PSMD4: variants seen among roughly 807,000 people sequenced by gnomAD.
PSMD4 encodes proteasome 26S subunit ubiquitin receptor, non-ATPase 4.
In PSMD4, 5 loss-of-function variants were observed where a neutral mutation model predicts 39.7. The observed-to-expected ratio is 0.13, with a 90% CI of 0.07 to 0.26. The LOEUF (loss-of-function observed/expected upper bound fraction) is 0.26. Ranked by LOEUF, PSMD4 falls within the 10% of genes least tolerant of loss-of-function variation. The pLI is 1.00. For synonymous variants in PSMD4, 143 were observed against 174.6 expected (o/e 0.82, Z 1.43); for missense variants, 272 against 486.1 (o/e 0.56, Z 4.14).
intron 1 of PSMD4, among the ~76,000 whole-genome samples, chr1:151,258,029 G>C (rs955452400): frequency 2.6e-5 from 4 of 151,468 alleles, no homozygotes; most frequent in Non-Finnish European, 4.4e-5. Context: ...TTGTCTATTT[G>C]TTTGTTTTTT....
intron 2 of PSMD4, chr1:151,262,980 A>G (rs1395024826): frequency 6.6e-6 from 1 of 152,278 alleles, no homozygotes; most frequent in African/African-American, 2.4e-5. Flanking sequence ...TAGCTAGGAG[A>G]ATGGGTCTGG....
chr1:151,257,263 AT>A (rs2101834488), intron 1 of PSMD4, among the ~76,000 whole-genome samples: 1 of 152,080 alleles, frequency 6.6e-6, no homozygotes, highest in East Asian at 1.9e-4. Flanking sequence ...GTGCGGCTTT[AT>A]TTCTAGACTC....
intron 7 of PSMD4, 60 bp from the exon 8 acceptor site, chr1:151,266,248 G>A: frequency 5.0e-6 from 8 of 1,610,660 alleles, no homozygotes; most frequent in Non-Finnish European, 6.8e-6. Flanking sequence ...AATGGCCTTG[G>A]AGGCTGGCCT....
At chr1:151,259,065 T>C (rs766718691) in intron 1 of PSMD4, 1 of 152,088 alleles carries the variant, frequency 6.6e-6, no homozygotes, top group Non-Finnish European at 1.5e-5. Flanking sequence ...AATACAAAAA[T>C]TAGCTGGCAT....
chr1:151,256,977 A>G (rs1227443165), intron 1 of PSMD4, among the ~76,000 whole-genome samples: 4 of 141,776 alleles, frequency 2.8e-5, no homozygotes, highest in Non-Finnish European at 6.1e-5. Flanking sequence ...TCGAACTCCC[A>G]CCCTCAGGTG....
Position 151,263,980 on chromosome 1 carries a change from C to T in PSMD4, c.234C>T (p.Val78=), listed in dbSNP as rs760489867. 1.2e-6 allele frequency: 2 copies of T among 1,605,442 alleles called. No homozygotes were observed. The highest frequency in any genetic ancestry group is 1.7e-6 in the Non-Finnish European group (2 of 1,175,974). Residue 78 remains valine, a synonymous_variant, in exon 3 of 10, where the codon GTC becomes GTT. Coordinates refer to ENST00000368884, the MANE Select transcript of PSMD4 (RefSeq NM_002810.4). ...GTATCCTGTCCAAGCTACATACTGT[C>T]CAACCCAAGGGCAAGATCACCTTCT... The part of the protein sequence containing the change: ...TGRILSKLHT[V]QPKGKITFCT...
At chr1:151,259,623 T>C (rs964650046) in intron 1 of PSMD4, among the ~76,000 whole-genome samples, 3 of 150,414 alleles carry the variant, frequency 2.0e-5, no homozygotes, top group Admixed American at 2.0e-4. Context: ...GTGCCGTGGC[T>C]CACACCTGTA....
intron 1 of PSMD4, among the ~76,000 whole-genome samples, chr1:151,257,933 T>C (rs1001416844): frequency 6.6e-6 from 1 of 151,976 alleles, no homozygotes; most frequent in Non-Finnish European, 1.5e-5. Flanking sequence ...CTTGTTTATA[T>C]CTTCTTTGAT....
intron 2 of PSMD4, 55 bp from the exon 3 acceptor site, chr1:151,263,859 T>A (rs1183325124): frequency 1.1e-5 from 14 of 1,223,902 alleles, no homozygotes; most frequent in Non-Finnish European, 1.4e-5. Flanking sequence ...TTAGACACAG[T>A]TTAGAGGTAC....
In PSMD4 at chr1:151,266,549, G is replaced by A; in HGVS notation, c.925G>A (p.Asp309Asn). 6.2e-7 allele frequency: 1 copy of A among 1,614,176 alleles called. No homozygotes were observed. The highest frequency in any genetic ancestry group is 8.5e-7 in the Non-Finnish European group (1 of 1,180,036). Reference protein sequence around the residue: ...EFGQAESADIDASSAMDTSEP... With the variant: ...EFGQAESADINASSAMDTSEP... Reference sequence around the variant, plus strand: ...TGGCCAGGCGGAATCAGCAGACATTGATGCCAGCTCAGCTATGGACACATC... The same window carrying A: ...TGGCCAGGCGGAATCAGCAGACATTAATGCCAGCTCAGCTATGGACACATC... Residue 309 changes from aspartate to asparagine, a missense_variant, in exon 9 of 10, where the codon GAT (aspartate) becomes AAT (asparagine). Transcript: ENST00000368884.
chr1:151,263,916 A>C lies in PSMD4; in HGVS notation c.170A>C (p.Asp57Ala). The C allele has an allele frequency of 6.4e-7, 1 of 1,573,968 alleles. No homozygotes were observed. Among genetic ancestry groups the C allele is most frequent in the Non-Finnish European group, 8.6e-7 (1 of 1,157,984 alleles). ...GAAATGCTTTTCCTACATCCCAGTGACTGTGAAGTGCTGACCACACTCACC... is the reference window on the plus strand; with the variant it reads ...GAAATGCTTTTCCTACATCCCAGTGCCTGTGAAGTGCTGACCACACTCACC... ...NNVGLITLANDCEVLTTLTPD... is the reference protein window; with the variant it reads ...NNVGLITLANACEVLTTLTPD... The change falls in exon 3 of 10, where the codon GAC becomes GCC. Residue 57 changes from aspartate (D) to alanine (A), a missense_variant and splice_region_variant. Around this residue, in one of 3 missense-constraint regions of PSMD4, gnomAD observed 153 missense variants for 257.6 expected, o/e 0.59. Transcript: ENST00000368884.
chr1:151,257,540 T>TTTAATTAA (rs763768614), intron 1 of PSMD4, among the ~76,000 whole-genome samples: 3 of 151,992 alleles, frequency 2.0e-5, no homozygotes, highest in Admixed American at 6.6e-5. Context: ...AATGGCCAAT[T>TTTAATTAA]TTAATTAATT....
intron 9 of PSMD4, 25 bp from the exon 10 acceptor site, chr1:151,267,148 T>G (rs772896998): frequency 3.1e-6 from 5 of 1,613,724 alleles, no homozygotes; most frequent in Non-Finnish European, 2.5e-6. Context: ...ATACCCTCCC[T>G]TGAGCTCACA....
chr1:151,254,825 G>A lies in PSMD4; in HGVS notation c.26+17G>A. 6.6e-7 allele frequency: 1 copy of A among 1,506,522 alleles called. No homozygotes were observed. Among genetic ancestry groups the A allele is most frequent in the Non-Finnish European group, 8.8e-7 (1 of 1,134,436 alleles). The allele number at this position is 1,506,522 out of a possible 1,614,324, so 93.3% of individuals were successfully genotyped here. A position where few individuals can be genotyped will look rare whatever the true frequency, so the allele number is the denominator to read the frequency against. ...TATGGTGTGGTGAGGAGCTACTTCGGGGCAGGAGGGGCAGAGCTGGGTTCC... is the reference window on the plus strand; with the variant it reads ...TATGGTGTGGTGAGGAGCTACTTCGAGGCAGGAGGGGCAGAGCTGGGTTCC... On this transcript the variant is annotated intron_variant, in intron 1 of 9. Transcript: ENST00000368884.
intron 1 of PSMD4, among the ~76,000 whole-genome samples, chr1:151,259,950 G>A (rs1693277150): frequency 6.6e-6 from 1 of 152,082 alleles, no homozygotes; most frequent in South Asian, 2.1e-4. Context: ...TGTAATCCCA[G>A]CACTTTGGTA....
chr1:151,265,540 C>T lies in PSMD4; in HGVS notation c.585C>T (p.Ala195=). 6.2e-7 allele frequency: 1 copy of T among 1,614,186 alleles called. No individual in the cohort carries two copies. Among genetic ancestry groups the T allele is most frequent in the Non-Finnish European group, 8.5e-7 (1 of 1,180,042 alleles). ...SSPILAGEGG[A]MLGLGASDFE... ...CGATTTTGGCTGGTGAAGGTGGTGC[C>T]ATGCTGGGTCTTGGTGCCAGTGACT... The change falls in exon 6 of 10, where the codon GCC becomes GCT. Residue 195 remains alanine (A), a synonymous_variant. Coordinates refer to ENST00000368884, the MANE Select transcript of PSMD4 (RefSeq NM_002810.4).
At chr1:151,261,056 A>G (rs187955669) in intron 1 of PSMD4, among the ~76,000 whole-genome samples, 30 of 151,798 alleles carry the variant, frequency 2.0e-4, no homozygotes, top group African/African-American at 7.0e-4. Flanking sequence ...ATGTTAGCCA[A>G]CACTGGTCTC....
intron 6 of PSMD4, 48 bp from the exon 7 acceptor site, chr1:151,265,956 G>C: frequency 6.6e-7 from 1 of 1,523,466 alleles, no homozygotes; most frequent in South Asian, 1.3e-5. Context: ...CCAGCTCCCT[G>C]TAGGAGTGAG....
At chr1:151,264,977 C>G in intron 4 of PSMD4, 59 bp downstream of exon 4, 4 of 1,476,030 alleles carry the variant, frequency 2.7e-6, no homozygotes, top group Non-Finnish European at 3.8e-6. Flanking sequence ...TGAGGTCTTC[C>G]AGCCCTCAGG....
Sources: allele counts gnomAD v4.1 joint callset (sites outside exome capture counted in the v4.1 genomes callset), GRCh38; gene constraint gnomAD v4.1.1; regional missense constraint gnomAD v4.1.1; transcripts MANE v1.5; gene names NCBI Gene and HGNC (gene_info 2026-07-23, HGNC 2026-07-21).